LPIN1: variants seen among roughly 807,000 people sequenced by gnomAD.
The protein encoded by LPIN1 is lipin 1, also known as phosphatidate phosphatase LPIN1.
Under a neutral mutation model 107.5 loss-of-function variants are expected in LPIN1, and 71 were observed. The ratio of observed to expected loss-of-function variants is 0.66; its 90% confidence interval spans 0.55 to 0.80. The LOEUF (loss-of-function observed/expected upper bound fraction) is 0.80, where lower values mean the gene tolerates loss of function less well. Ranked by LOEUF, LPIN1 falls within the 30% of genes least tolerant of loss-of-function variation. The probability of loss-of-function intolerance (pLI) is 0.00; values close to 1 mark genes in which losing one functional copy is unlikely to be tolerated. For synonymous variants in LPIN1, 445 were observed against 452.6 expected, an observed-to-expected ratio of 0.98 and a Z score of 0.21; for missense variants, 1,043 against 1,160.6, an observed-to-expected ratio of 0.90 and a Z score of 1.47.
intron 8 of LPIN1, 31 bp from the exon 9 acceptor site, chr2:11,783,798 G>GT: frequency 1.3e-6 from 2 of 1,581,902 alleles, no homozygotes; most frequent in African/African-American, 2.7e-5. Context: ...TAGAAGAGTG[G>GT]TTTTCTGACT....
At chr2:11,702,878 G>A (rs1261614216) in intron 1 of LPIN1, among the ~76,000 whole-genome samples, 1 of 151,780 alleles carries the variant, frequency 6.6e-6, no homozygotes, top group Middle Eastern at 3.2e-3. Context: ...TAACTCTCAC[G>A]TGGATCCTTT....
intron 3 of LPIN1, among the ~76,000 whole-genome samples, chr2:11,768,416 T>G (rs1207534601): frequency 6.6e-6 from 1 of 152,126 alleles, no homozygotes; most frequent in Non-Finnish European, 1.5e-5. Flanking sequence ...ACCTTCCAAC[T>G]GCTGAGCCCT....
At chr2:11,685,313 G>A (rs1572300845) in intron 1 of LPIN1, among the ~76,000 whole-genome samples, 1 of 152,292 alleles carries the variant, frequency 6.6e-6, no homozygotes, top group Middle Eastern at 3.4e-3. Context: ...GAGGCTGGCG[G>A]AGCACAGGCC....
In LPIN1 at chr2:11,784,246, T is replaced by C. The variant is rs547916613; in HGVS notation, c.1358+324T>C. On this transcript the variant is annotated intron_variant, in intron 9 of 20. Transcript: ENST00000674199. ...TTGAATCCAGGAGGCGGAGGTTGCATTGAGCTGAGATCATGCCACTGCACA... is the reference window on the plus strand; with the variant it reads ...TTGAATCCAGGAGGCGGAGGTTGCACTGAGCTGAGATCATGCCACTGCACA... 352 of 1,010,790 alleles carry C rather than the reference T, an allele frequency of 3.5e-4. 4 individuals carry two copies. The South Asian group carries it at 4.8e-3, about 14-fold the overall frequency. The allele number at this position is 1,010,790 out of a possible 1,614,324, so 62.6% of individuals were successfully genotyped here.
chr2:11,804,346 A>T, intron 15 of LPIN1, 77 bp from the exon 16 acceptor site: 9 of 1,517,510 alleles, frequency 5.9e-6, no homozygotes, highest in Non-Finnish European at 8.2e-6. Context: ...CCTGCTTCTC[A>T]TAGAACAGAA....
At chr2:11,789,810 T>C (rs1349693050) in intron 12 of LPIN1, among the ~76,000 whole-genome samples, 2 of 152,270 alleles carry the variant, frequency 1.3e-5, no homozygotes, top group African/African-American at 4.8e-5. Flanking sequence ...GATTTATTTA[T>C]TCACTGAAGA....
intron 2 of LPIN1, among the ~76,000 whole-genome samples, chr2:11,717,873 A>G (rs556658824): frequency 6.6e-6 from 1 of 152,304 alleles, no homozygotes; most frequent in East Asian, 1.9e-4. Flanking sequence ...TCAAACCCAC[A>G]GATGTCCAGA....
chr2:11,758,942 G>C (rs745981881), intron 1 of LPIN1, among the ~76,000 whole-genome samples: 17 of 152,200 alleles, frequency 1.1e-4, no homozygotes, highest in Non-Finnish European at 2.4e-4. Flanking sequence ...GCAGAGCAAC[G>C]ATTCAGTTAT....
intron 1 of LPIN1, among the ~76,000 whole-genome samples, chr2:11,701,349 T>C (rs1400756891): frequency 6.6e-6 from 1 of 152,184 alleles, no homozygotes. Context: ...ATTACCCCAC[T>C]GATGAACTCA....
intron 1 of LPIN1, among the ~76,000 whole-genome samples, chr2:11,708,464 G>T (rs1304759848): frequency 6.6e-6 from 1 of 152,158 alleles, no homozygotes; most frequent in Non-Finnish European, 1.5e-5. Flanking sequence ...CCCGGGAGTG[G>T]AGAGTGAGGC....
At chr2:11,694,816 A>G (rs928345708) in intron 1 of LPIN1, among the ~76,000 whole-genome samples, 1 of 152,248 alleles carries the variant, frequency 6.6e-6, no homozygotes, top group Non-Finnish European at 1.5e-5. Context: ...CACACATACA[A>G]AAGTTATAAG....
chr2:11,758,382 A>G (rs908459107), intron 1 of LPIN1, among the ~76,000 whole-genome samples: 2 of 152,190 alleles, frequency 1.3e-5, no homozygotes, highest in African/African-American at 4.8e-5. Context: ...ATTCCCGCCA[A>G]CAGTGGACAA....
chr2:11,812,713 G>A (rs1439616846), intron 17 of LPIN1, among the ~76,000 whole-genome samples: 1 of 152,212 alleles, frequency 6.6e-6, no homozygotes, highest in East Asian at 1.9e-4. Flanking sequence ...TGGTCTTATA[G>A]GCCACAGTGA....
Position 11,779,642 on chromosome 2 carries a change from T to C in LPIN1, c.954T>C (p.Ala318=), listed in dbSNP as rs1673237815. ...LWLWGELPQA[A]KSSSPHKMKE... ...TGTGGGGAGAGCTGCCGCAGGCTGCTAAGGTGAGAGTCTCTTCAATTCTGC... is the reference window on the plus strand; with the variant it reads ...TGTGGGGAGAGCTGCCGCAGGCTGCCAAGGTGAGAGTCTCTTCAATTCTGC... The change falls in exon 7 of 21, where the codon GCT becomes GCC. Residue 318 remains alanine, a synonymous_variant. Coordinates refer to ENST00000674199, the MANE Select transcript of LPIN1 (RefSeq NM_001349206.2). 6.2e-7 allele frequency: 1 copy of C among 1,613,888 alleles called. No individual in the cohort carries two copies. The highest frequency in any genetic ancestry group is 8.5e-7 in the Non-Finnish European group (1 of 1,179,930).
intron 1 of LPIN1, among the ~76,000 whole-genome samples, chr2:11,691,086 T>TTG (rs1263038694): frequency 2.0e-5 from 3 of 149,366 alleles, no homozygotes; most frequent in South Asian, 2.1e-4. Context: ...TTGTTGTGGT[T>TTG]TTTTTTTTTT....
chr2:11,791,603 C>T, intron 12 of LPIN1: 1 of 1,193,960 alleles, frequency 8.4e-7, no homozygotes, highest in Non-Finnish European at 1.1e-6. Context: ...TTGAAAACTT[C>T]CAGTCTTACT....
At chr2:11,683,444 G>A (rs1661829940) in intron 1 of LPIN1, 1 of 152,480 alleles carries the variant, frequency 6.6e-6, no homozygotes, top group African/African-American at 2.4e-5. Flanking sequence ...CTCCAGACAT[G>A]GGAGATGGGA....
intron 1 of LPIN1, among the ~76,000 whole-genome samples, chr2:11,726,663 G>A (rs1664695056): frequency 6.6e-6 from 1 of 152,158 alleles, no homozygotes; most frequent in South Asian, 2.1e-4. Flanking sequence ...GTAGGCATAT[G>A]TGGCAATGTT....
intron 12 of LPIN1, among the ~76,000 whole-genome samples, chr2:11,788,913 G>C (rs1675150316): frequency 6.6e-6 from 1 of 152,224 alleles, no homozygotes; most frequent in Non-Finnish European, 1.5e-5. Flanking sequence ...TCTGAGGCCA[G>C]AGCCAGTACA....
Sources: gnomAD v4.1 joint callset for allele counts (sites outside exome capture counted in the v4.1 genomes callset) on GRCh38, gnomAD v4.1.1 for gene constraint, MANE v1.5 for transcripts, NCBI Gene and HGNC (gene_info 2026-07-23, HGNC 2026-07-21) for gene names.